SLC24A2: variants seen among roughly 807,000 people sequenced by gnomAD.
SLC24A2 encodes the protein solute carrier family 24 member 2, also known as sodium/potassium/calcium exchanger 2.
In SLC24A2, 36 loss-of-function variants were observed where a neutral mutation model predicts 62.0. The observed-to-expected ratio is 0.58, with a 90% CI of 0.44 to 0.77. The LOEUF is 0.77. Ranked by LOEUF, SLC24A2 falls within the 30% of genes least tolerant of loss-of-function variation. The pLI is 0.00. For synonymous variants in SLC24A2, 358 were observed against 294.0 expected, an observed-to-expected ratio of 1.22 and a Z score of -2.23; for missense variants, 846 against 817.9, an observed-to-expected ratio of 1.03 and a Z score of -0.42.
At chr9:19,565,834 T>C (rs946418356) in intron 7 of SLC24A2, among the ~76,000 whole-genome samples, 1 of 152,080 alleles carries the variant, frequency 6.6e-6, no homozygotes, top group African/African-American at 2.4e-5. Flanking sequence ...ATCTGATCTT[T>C]GACAAACATG....
chr9:20,125,279 A>G, the SLC24A2 span, among the ~76,000 whole-genome samples: 1 of 152,200 alleles, frequency 6.6e-6, no homozygotes, highest in Non-Finnish European at 1.5e-5. Flanking sequence ...ACCTGGATAT[A>G]TGTATTCATT....
the SLC24A2 span, among the ~76,000 whole-genome samples, chr9:20,221,626 G>A: frequency 9.2e-5 from 14 of 152,006 alleles, no homozygotes; most frequent in East Asian, 2.7e-3. Flanking sequence ...GCATCCTCAA[G>A]TCTTGAACAA....
At position 19,642,671 on chromosome 9, in the gene SLC24A2, C is replaced by CTTTTTTTTT. The variant is rs71335440; in HGVS notation, c.931-20381_931-20373dup. On this transcript the variant is annotated intron_variant, in intron 2 of 10. Transcript: ENST00000341998. ...AGAATGGTTTATATGAGAGCGTATT[C>CTTTTTTTTT]TTTTTTTTTTTTTTTTTTTTTTTTT... is the stretch of plus-strand genomic sequence containing the variant. 5.0e-5 allele frequency among the ~76,000 whole-genome samples: 4 copies of CTTTTTTTTT among 79,850 alleles called. 2 individuals carry two copies. Among genetic ancestry groups the CTTTTTTTTT allele is most frequent in the African/African-American group, 9.5e-5 (2 of 21,016 alleles). 52.4% of individuals were successfully genotyped at this position (79,850 alleles called of 152,430 possible).
At chr9:20,165,426 T>G in the SLC24A2 span, among the ~76,000 whole-genome samples, 4 of 151,900 alleles carry the variant, frequency 2.6e-5, no homozygotes, top group African/African-American at 9.7e-5. Context: ...AAAATGCCTC[T>G]GTAATTAAAG....
intron 5 of SLC24A2, among the ~76,000 whole-genome samples, chr9:19,595,410 G>T (rs951875730): frequency 1.3e-5 from 2 of 152,150 alleles, no homozygotes; most frequent in African/African-American, 4.8e-5. Flanking sequence ...CTAAGAATGG[G>T]ACACAAAGGG....
the SLC24A2 span, among the ~76,000 whole-genome samples, chr9:19,954,074 C>G: frequency 1.3e-5 from 2 of 152,052 alleles, no homozygotes; most frequent in Non-Finnish European, 2.9e-5. Context: ...AAGAAGAAAG[C>G]TCCTGAGATC....
At chr9:20,072,082 C>T in the SLC24A2 span, among the ~76,000 whole-genome samples, 5 of 152,110 alleles carry the variant, frequency 3.3e-5, no homozygotes, top group African/African-American at 1.2e-4. Flanking sequence ...TTCTGCCAGC[C>T]TCCACGTGCT....
chr9:19,955,869 A>C, the SLC24A2 span, among the ~76,000 whole-genome samples: 1 of 152,230 alleles, frequency 6.6e-6, no homozygotes, highest in African/African-American at 2.4e-5. Flanking sequence ...GCTTCCTTTT[A>C]TCTGTACCAA....
chr9:20,171,509 A>G, the SLC24A2 span, among the ~76,000 whole-genome samples: 2 of 152,052 alleles, frequency 1.3e-5, no homozygotes, highest in Non-Finnish European at 2.9e-5. Context: ...ACTTAAGGCA[A>G]AGGGGTGGAA....
At chr9:20,131,794 T>C in the SLC24A2 span, among the ~76,000 whole-genome samples, 1 of 152,246 alleles carries the variant, frequency 6.6e-6, no homozygotes, top group East Asian at 1.9e-4. Flanking sequence ...ATGCAGGCCA[T>C]TGAGCAAAAG....
the SLC24A2 span, among the ~76,000 whole-genome samples, chr9:20,102,147 T>A: frequency 6.6e-6 from 1 of 152,038 alleles, no homozygotes; most frequent in Non-Finnish European, 1.5e-5. Context: ...CTATAAAGAG[T>A]TGGAGCCTAA....
At chr9:20,141,428 T>C in the SLC24A2 span, among the ~76,000 whole-genome samples, 1 of 152,252 alleles carries the variant, frequency 6.6e-6, no homozygotes, top group South Asian at 2.1e-4. Context: ...CTAATTCTCC[T>C]ATCCCGAATA....
the SLC24A2 span, among the ~76,000 whole-genome samples, chr9:19,995,680 T>C: frequency 9.2e-5 from 14 of 152,266 alleles, no homozygotes; most frequent in Non-Finnish European, 1.8e-4. Flanking sequence ...TAATCTTTAC[T>C]GTAGACATGA....
chr9:19,733,027 T>A (rs1821385101), intron 2 of SLC24A2, among the ~76,000 whole-genome samples: 1 of 151,510 alleles, frequency 6.6e-6, no homozygotes, highest in Non-Finnish European at 1.5e-5. Context: ...GAGAAGAAAA[T>A]GATACTATGA....
chr9:19,917,273 A>G, the SLC24A2 span, among the ~76,000 whole-genome samples: 2 of 149,774 alleles, frequency 1.3e-5, no homozygotes, highest in East Asian at 3.9e-4. Flanking sequence ...TCTTTCCTGA[A>G]TTTTTAGCCA....
chr9:19,765,915 G>T (rs192494632), intron 2 of SLC24A2, among the ~76,000 whole-genome samples: 1 of 152,162 alleles, frequency 6.6e-6, no homozygotes, highest in Non-Finnish European at 1.5e-5. Flanking sequence ...CAATCTCCAT[G>T]TCACTTTCCG....
chr9:19,718,157 A>C (rs1820915000), intron 2 of SLC24A2, among the ~76,000 whole-genome samples: 1 of 150,470 alleles, frequency 6.6e-6, no homozygotes, highest in African/African-American at 2.4e-5. Context: ...TTGTATTTTT[A>C]GTAGAGATGG....
the SLC24A2 span, among the ~76,000 whole-genome samples, chr9:20,053,126 T>G: frequency 6.6e-6 from 1 of 152,210 alleles, no homozygotes; most frequent in Admixed American, 6.5e-5. Context: ...ATATTCTAGT[T>G]AGTAATGATG....
the SLC24A2 span, among the ~76,000 whole-genome samples, chr9:19,948,722 G>T: frequency 6.6e-6 from 1 of 151,002 alleles, no homozygotes; most frequent in Non-Finnish European, 1.5e-5. Context: ...GCGGGCGCCT[G>T]TAGTCCCAGC....
Sources: gnomAD v4.1 joint callset for allele counts (sites outside exome capture counted in the v4.1 genomes callset) on GRCh38, gnomAD v4.1.1 for gene constraint, MANE v1.5 for transcripts, NCBI Gene and HGNC (gene_info 2026-07-23, HGNC 2026-07-21) for gene names.